The following RAB2A variants were observed in gnomAD, a reference collection of about 807,000 sequenced individuals.
The protein encoded by RAB2A is ras-related protein Rab-2A.
RAB2A carries 7 observed loss-of-function variants against 32.5 expected under a neutral mutation model. The ratio of observed to expected loss-of-function variants is 0.22; its 90% confidence interval spans 0.12 to 0.40. RAB2A has a LOEUF of 0.40. Ranked by LOEUF, RAB2A falls within the 10% of genes least tolerant of loss-of-function variation. The pLI is 1.00. For missense variants in RAB2A, 108 were observed against 260.7 expected (o/e 0.41, Z 4.03); for synonymous variants, 79 against 85.2 (o/e 0.93, Z 0.40).
intron 1 of RAB2A, among the ~76,000 whole-genome samples, chr8:60,544,201 G>A (rs544375172): frequency 4.7e-5 from 7 of 150,112 alleles, no homozygotes; most frequent in African/African-American, 1.2e-4. Context: ...AAGCTATTTC[G>A]GCTAATTTTT....
intron 6 of RAB2A, among the ~76,000 whole-genome samples, chr8:60,615,387 A>T (rs548132277): frequency 6.6e-6 from 1 of 152,354 alleles, no homozygotes; most frequent in Admixed American, 6.5e-5. Flanking sequence ...GAACATTAGT[A>T]CTGCCTTGAG....
intron 6 of RAB2A, among the ~76,000 whole-genome samples, chr8:60,605,281 A>C (rs1804207719): frequency 1.3e-5 from 2 of 152,200 alleles, no homozygotes; most frequent in African/African-American, 4.8e-5. Flanking sequence ...ATTTCAGAGA[A>C]TGTATGGAAA....
intron 5 of RAB2A, among the ~76,000 whole-genome samples, chr8:60,589,595 G>C (rs1457016080): frequency 6.6e-6 from 1 of 152,062 alleles, no homozygotes. Flanking sequence ...AATAGTGTAA[G>C]GGTTGTAATG....
chr8:60,621,570 A>G lies in RAB2A; in HGVS notation c.*801A>G, dbSNP rs1704262281. 6.6e-6 allele frequency: 1 copy of G among 152,214 alleles called. No individual in the cohort carries two copies. Among genetic ancestry groups the G allele is most frequent in the South Asian group, 2.1e-4 (1 of 4,826 alleles). 9.4% of individuals were successfully genotyped at this position (152,214 alleles called of 1,614,324 possible). On this transcript the variant is annotated 3_prime_UTR_variant, in exon 8 of 8. Coordinates refer to ENST00000262646, the MANE Select transcript of RAB2A (RefSeq NM_002865.3). ...TACTGTTGGGAAAAAACACAGTATA[A>G]TGAGTGAAAAGGGCAGAAGCAAGAA...
chr8:60,559,925 A>C lies in RAB2A; in HGVS notation c.118+1002A>C, dbSNP rs142185563. Among the ~76,000 whole-genome samples the C allele has an allele frequency of 4.0e-3, 615 of 152,340 alleles. 3 individuals carry two copies. Among genetic ancestry groups the C allele is most frequent in the African/African-American group, 0.013 (524 of 41,574 alleles). On this transcript the variant is annotated intron_variant, in intron 2 of 7. Coordinates refer to ENST00000262646, the MANE Select transcript of RAB2A (RefSeq NM_002865.3). The stretch of plus-strand genomic sequence containing the variant: ...TCACATTATTAATTAATAGTTTTCA[A>C]CCAAGCTACAGGTATAGTACTTTGT...
rs566701945 is a variant in RAB2A at position 60,527,107 on chromosome 8, T to TGAAGGG, written c.46+9859_46+9864dup. Among the ~76,000 whole-genome samples, 297 of 148,162 alleles carry TGAAGGG rather than the reference T, an allele frequency of 2.0e-3. 1 individual carries two copies. Among genetic ancestry groups the TGAAGGG allele is most frequent in the Non-Finnish European group, 3.5e-3 (235 of 66,904 alleles). On this transcript the variant is annotated intron_variant, in intron 1 of 7. Coordinates refer to ENST00000262646, the MANE Select transcript of RAB2A (RefSeq NM_002865.3). ...GGAAACTTATAATCATGGCAGAAGG[T>TGAAGGG]GAAGGGGAAGCAAGCACATCTAGCC... is the stretch of plus-strand genomic sequence containing the variant.
chr8:60,541,153 T>C (rs1023079963), intron 1 of RAB2A, among the ~76,000 whole-genome samples: 3 of 152,156 alleles, frequency 2.0e-5, no homozygotes, highest in Non-Finnish European at 2.9e-5. Context: ...CAAACACTTA[T>C]AATCCCAGTC....
At chr8:60,561,164 T>C (rs576701580) in intron 2 of RAB2A, among the ~76,000 whole-genome samples, 1 of 152,342 alleles carries the variant, frequency 6.6e-6, no homozygotes, top group East Asian at 1.9e-4. Context: ...CTGTTTGTAA[T>C]CTCTGGGTTT....
At chr8:60,538,792 A>G (rs538880166) in intron 1 of RAB2A, among the ~76,000 whole-genome samples, 6 of 152,302 alleles carry the variant, frequency 3.9e-5, no homozygotes, top group Middle Eastern at 3.4e-3. Context: ...CTACCAAGGT[A>G]GAAAGGTTTC....
intron 7 of RAB2A, among the ~76,000 whole-genome samples, chr8:60,619,458 G>A (rs1192297308): frequency 6.6e-6 from 1 of 152,174 alleles, no homozygotes; most frequent in African/African-American, 2.4e-5. Flanking sequence ...AAGCCATTAT[G>A]TATGTCTCTC....
chr8:60,526,023 A>G (rs1294282286), intron 1 of RAB2A, among the ~76,000 whole-genome samples: 1 of 54,904 alleles, frequency 1.8e-5, no homozygotes, highest in African/African-American at 9.0e-5. Context: ...GTGTGTACAT[A>G]TATATATATA....
chr8:60,601,218 T>TAA (rs1804129672), intron 6 of RAB2A, among the ~76,000 whole-genome samples: 1 of 152,196 alleles, frequency 6.6e-6, no homozygotes, highest in African/African-American at 2.4e-5. Context: ...AGATTTTTGC[T>TAA]CTGTATGTTG....
chr8:60,571,625 T>C (rs761272679), intron 2 of RAB2A, among the ~76,000 whole-genome samples: 7 of 152,228 alleles, frequency 4.6e-5, no homozygotes, highest in Non-Finnish European at 8.8e-5. Flanking sequence ...TATTCATGCT[T>C]GGAACCAATA....
intron 3 of RAB2A, among the ~76,000 whole-genome samples, chr8:60,577,792 A>ATTTTTTTTTTTTT (rs3055112): frequency 3.1e-3 from 349 of 112,832 alleles, no homozygotes; most frequent in African/African-American, 3.9e-3. Context: ...CGCCCGGCTA[A>ATTTTTTTTTTTTT]TTTTTTTTTT....
intron 1 of RAB2A, among the ~76,000 whole-genome samples, chr8:60,550,662 G>A (rs1807831736): frequency 6.6e-6 from 1 of 152,056 alleles, no homozygotes; most frequent in Non-Finnish European, 1.5e-5. Flanking sequence ...GCTAGGGAAG[G>A]CATGAGCCAC....
intron 6 of RAB2A, among the ~76,000 whole-genome samples, chr8:60,605,839 A>ATATATGTATATATATATG (rs1491357686): frequency 7.1e-6 from 1 of 140,792 alleles, no homozygotes; most frequent in African/African-American, 3.0e-5. Flanking sequence ...ATACATATAT[A>ATATATGTATATATATATG]CATATATATA....
chr8:60,532,828 C>T (rs1160081218), intron 1 of RAB2A, among the ~76,000 whole-genome samples: 1 of 152,190 alleles, frequency 6.6e-6, no homozygotes, highest in African/African-American at 2.4e-5. Context: ...GAATTTTCAA[C>T]CGGTTTAAGA....
chr8:60,574,455 T>C (rs1245276480), intron 3 of RAB2A, among the ~76,000 whole-genome samples: 1 of 152,236 alleles, frequency 6.6e-6, no homozygotes, highest in Non-Finnish European at 1.5e-5. Context: ...TCACTGGATG[T>C]GTTCAGGAGA....
intron 1 of RAB2A, among the ~76,000 whole-genome samples, chr8:60,554,943 A>AGT (rs1340072617): frequency 6.6e-6 from 1 of 152,194 alleles, no homozygotes; most frequent in Middle Eastern, 3.2e-3. Context: ...CAGAGTGGAG[A>AGT]GTGTTGAGGA....
Sources: allele counts gnomAD v4.1 joint callset (sites outside exome capture counted in the v4.1 genomes callset), GRCh38; gene constraint gnomAD v4.1.1; transcripts MANE v1.5; gene names NCBI Gene and HGNC (gene_info 2026-07-23, HGNC 2026-07-21).